The following HSPA4 variants were observed in gnomAD, a reference collection of about 807,000 sequenced individuals.
HSPA4 encodes heat shock protein family A (Hsp70) member 4, also known as heat shock 70 kDa protein 4.
HSPA4 carries 25 observed loss-of-function variants against 106.2 expected under a neutral mutation model. The observed-to-expected ratio is 0.24, with a 90% CI of 0.17 to 0.33. The LOEUF is 0.33. HSPA4 is among the 10% of genes least tolerant of loss of function. HSPA4 has a pLI of 1.00. For synonymous variants in HSPA4, 332 were observed against 333.6 expected, an observed-to-expected ratio of 1.00 and a Z score of 0.05; for missense variants, 841 against 996.0, an observed-to-expected ratio of 0.84 and a Z score of 2.10.
At chr5:133,089,346 CTGA>C (rs1765616177) in intron 10 of HSPA4, among the ~76,000 whole-genome samples, 185 bp downstream of exon 10, 1 of 152,148 alleles carries the variant, frequency 6.6e-6, no homozygotes, top group African/African-American at 2.4e-5. Context: ...CTTGATTCTG[CTGA>C]AATCATCAGT....
At chr5:133,077,884 TTG>T (rs1416544841) in intron 7 of HSPA4, among the ~76,000 whole-genome samples, 1 of 152,148 alleles carries the variant, frequency 6.6e-6, no homozygotes, top group African/African-American at 2.4e-5. Flanking sequence ...AGCAGCAGTC[TTG>T]TGTGTGTGTA....
intron 15 of HSPA4, 48 bp downstream of exon 15, chr5:133,097,334 T>G (rs369595679): frequency 1.3e-6 from 2 of 1,565,112 alleles, no homozygotes; most frequent in Admixed American, 3.3e-5. Flanking sequence ...TCTGTGAACA[T>G]CTTTAAGTGG....
chr5:133,085,489 T>TTAAAAAAAAAAAAAAAAAAAAAAAAA lies in HSPA4; in HGVS notation c.909-1293_909-1292insTAAAAAAAAAAAAAAAAAAAAAAAAA, dbSNP rs1554089513. On this transcript the variant is annotated intron_variant, in intron 7 of 18. Coordinates refer to ENST00000304858, the MANE Select transcript of HSPA4 (RefSeq NM_002154.4). ...CAACATGGTGAAATCCCATCTCTAC[T>TTAAAAAAAAAAAAAAAAAAAAAAAAA]AAAAAAAAAAAAATACAAAATTAGC... 5.8e-4 allele frequency among the ~76,000 whole-genome samples: 64 copies of TTAAAAAAAAAAAAAAAAAAAAAAAAA among 110,248 alleles called. 2 individuals are homozygous for TTAAAAAAAAAAAAAAAAAAAAAAAAA. The highest frequency in any genetic ancestry group is 2.9e-3 in the African/African-American group (59 of 20,090). 72.3% of individuals were successfully genotyped at this position (110,248 alleles called of 152,430 possible).
intron 1 of HSPA4, among the ~76,000 whole-genome samples, chr5:133,058,169 A>G (rs1437722644): frequency 6.6e-6 from 1 of 152,050 alleles, no homozygotes; most frequent in Non-Finnish European, 1.5e-5. Flanking sequence ...AGGCAGGAGG[A>G]TTGCTTGAAG....
chr5:133,065,174 G>C (rs1352856896), intron 2 of HSPA4, 137 bp downstream of exon 2: 1 of 662,124 alleles, frequency 1.5e-6, no homozygotes, highest in Non-Finnish European at 2.6e-6. Flanking sequence ...CCTCTTCTCT[G>C]TTCCCATGTA....
chr5:133,069,760 G>A (rs1178798714), intron 3 of HSPA4, among the ~76,000 whole-genome samples: 1 of 152,152 alleles, frequency 6.6e-6, no homozygotes. Flanking sequence ...CTTTATGGAG[G>A]GACAGTGTGG....
intron 7 of HSPA4, among the ~76,000 whole-genome samples, chr5:133,083,546 T>C (rs1765540793): frequency 1.3e-5 from 2 of 152,124 alleles, no homozygotes; most frequent in Admixed American, 6.6e-5. Flanking sequence ...TTTATTATTA[T>C]TATTTTTTGA....
chr5:133,091,520 T>C, intron 12 of HSPA4, 146 bp downstream of exon 12: 1 of 587,556 alleles, frequency 1.7e-6, no homozygotes, highest in East Asian at 2.8e-5. Context: ...TCCCCCAATA[T>C]AAGTGAACCA....
In HSPA4 at chr5:133,053,064, G is replaced by A. The variant is rs1157400443; in HGVS notation, c.107+707G>A. ...TTGTGCGCGTTAACCCCTCAATAGGGTTGCACTTTAACGATAATGCATTCT... is the reference window on the plus strand; with the variant it reads ...TTGTGCGCGTTAACCCCTCAATAGGATTGCACTTTAACGATAATGCATTCT... On this transcript the variant is annotated intron_variant, in intron 1 of 18. Coordinates refer to ENST00000304858, the MANE Select transcript of HSPA4 (RefSeq NM_002154.4). 5 of 152,226 alleles carry A rather than the reference G, an allele frequency of 3.3e-5. No individual in the cohort carries two copies. In the East Asian group the frequency reaches 9.6e-4, roughly 29 times the overall value. 9.4% of individuals were successfully genotyped at this position (152,226 alleles called of 1,614,324 possible).
intron 7 of HSPA4, 71 bp from the exon 8 acceptor site, chr5:133,086,711 C>G: frequency 9.8e-7 from 1 of 1,024,102 alleles, no homozygotes; most frequent in Non-Finnish European, 1.5e-6. Flanking sequence ...TTTATTATAG[C>G]CATCCATTCC....
At chr5:133,078,873 A>G (rs1187974048) in intron 7 of HSPA4, among the ~76,000 whole-genome samples, 1 of 151,796 alleles carries the variant, frequency 6.6e-6, no homozygotes, top group African/African-American at 2.4e-5. Context: ...AGCTGGGACT[A>G]CAGGCACGTG....
At chr5:133,087,179 A>C (rs1214328161) in intron 8 of HSPA4, among the ~76,000 whole-genome samples, 1 of 152,214 alleles carries the variant, frequency 6.6e-6, no homozygotes, top group Non-Finnish European at 1.5e-5. Context: ...TCTGTCAGTG[A>C]ATTCTTCCCT....
intron 14 of HSPA4, among the ~76,000 whole-genome samples, chr5:133,096,952 C>T (rs985937014): frequency 2.6e-5 from 4 of 151,890 alleles, no homozygotes; most frequent in African/African-American, 9.7e-5. Flanking sequence ...CTTGATATTT[C>T]TATTGTTCTT....
At chr5:133,067,292 G>A in intron 2 of HSPA4, 125 bp from the exon 3 acceptor site, 1 of 812,202 alleles carries the variant, frequency 1.2e-6, no homozygotes, top group Non-Finnish European at 1.9e-6. Context: ...TTTAGGGTCT[G>A]AAGAAACCAA....
At chr5:133,053,257 A>C (rs931903619) in intron 1 of HSPA4, among the ~76,000 whole-genome samples, 2 of 151,174 alleles carry the variant, frequency 1.3e-5, no homozygotes, top group African/African-American at 4.9e-5. Flanking sequence ...GATACATTTT[A>C]ATCCGTTGTC....
chr5:133,071,284 CAAAAAAAAAAAA>C (rs755520266), intron 4 of HSPA4, among the ~76,000 whole-genome samples: 2 of 62,088 alleles, frequency 3.2e-5, no homozygotes, highest in South Asian at 6.0e-4. Context: ...CTGTCTTTAC[CAAAAAAAAAAAA>C]AAAAAAAAAA....
intron 7 of HSPA4, among the ~76,000 whole-genome samples, chr5:133,081,911 G>A (rs566134106): frequency 3.9e-4 from 60 of 152,260 alleles, no homozygotes; most frequent in Non-Finnish European, 7.6e-4. Flanking sequence ...TCATTCAGCA[G>A]TTGTATTTCT....
rs770655600 is a variant in HSPA4 at position 133,086,773 on chromosome 5, T to G, written c.909-9T>G. 2 of 1,606,318 alleles carry G rather than the reference T, an allele frequency of 1.2e-6. No homozygotes were observed. The highest frequency in any genetic ancestry group is 1.7e-6 in the Non-Finnish European group (2 of 1,173,610). On this transcript the variant is annotated splice_polypyrimidine_tract_variant and intron_variant, in intron 7 of 18. Transcript: ENST00000304858. Reference sequence around the variant, plus strand: ...TACTGTGTTTTTTGTTTTGTTTTGTTTTTTATAGAGGCAAATTTCTGGAGA... The same window carrying G: ...TACTGTGTTTTTTGTTTTGTTTTGTGTTTTATAGAGGCAAATTTCTGGAGA...
At chr5:133,095,963 T>C (rs1765706122) in intron 13 of HSPA4, 135 bp from the exon 14 acceptor site, 2 of 617,612 alleles carry the variant, frequency 3.2e-6, no homozygotes, top group Non-Finnish European at 5.5e-6. Flanking sequence ...GATGTTATGG[T>C]AGTCCTAAGT....
Sources: gnomAD v4.1 joint callset for allele counts (sites outside exome capture counted in the v4.1 genomes callset) on GRCh38, gnomAD v4.1.1 for gene constraint, MANE v1.5 for transcripts, NCBI Gene and HGNC (gene_info 2026-07-23, HGNC 2026-07-21) for gene names.